ERBB4: variants seen among roughly 807,000 people sequenced by gnomAD.
The protein encoded by ERBB4 is receptor tyrosine-protein kinase erbB-4.
ERBB4 carries 42 observed loss-of-function variants against 158.0 expected under a neutral mutation model. The ratio of observed to expected loss-of-function variants is 0.27; its 90% CI spans 0.21 to 0.34. ERBB4 has a LOEUF of 0.34. Ranked by LOEUF, ERBB4 falls within the 10% of genes least tolerant of loss-of-function variation. The pLI, the probability that ERBB4 is intolerant of heterozygous loss-of-function variation, is 1.00. For synonymous variants in ERBB4, 583 were observed against 558.7 expected (o/e 1.04, Z -0.61); for missense variants, 1,333 against 1,624.1 (o/e 0.82, Z 3.08).
Position 212,191,611 on chromosome 2 carries a change from TTATATATAACACATGTGTTATGCATGC to T in ERBB4, c.83-66735_83-66709del, listed in dbSNP as rs1559702013. On this transcript the variant is annotated intron_variant, in intron 1 of 27. Coordinates refer to ENST00000342788, the MANE Select transcript of ERBB4 (RefSeq NM_005235.3). ...ATATATAACACATGTGTTATGCCTG[TTATATATAACACATGTGTTATGCATGC>T]TATATATAACACATGCGTTATACAT... Among the ~76,000 whole-genome samples the T allele has an allele frequency of 8.2e-3, 129 of 15,774 alleles. 5 individuals are homozygous for T. The Admixed American group carries it at 0.096, about 12-fold the overall frequency. 10.3% of individuals were successfully genotyped at this position (15,774 alleles called of 152,430 possible).
At chr2:212,278,089 A>G (rs1247363938) in intron 1 of ERBB4, among the ~76,000 whole-genome samples, 2 of 151,760 alleles carry the variant, frequency 1.3e-5, no homozygotes, top group Non-Finnish European at 2.9e-5. Flanking sequence ...GTTAAATAGA[A>G]CTAGGCTTTT....
Position 211,658,983 on chromosome 2 carries a change from C to T in ERBB4, c.1872-1155G>A, listed in dbSNP as rs186081208. On this transcript the variant is annotated intron_variant, in intron 15 of 27. Transcript: ENST00000342788. Reference sequence around the variant, plus strand: ...TTATAGTTAGGATTTATAGAAGTGCCTTATTTCGCTGGTAATAAAGATTAC... The same window carrying T: ...TTATAGTTAGGATTTATAGAAGTGCTTTATTTCGCTGGTAATAAAGATTAC... Among the ~76,000 whole-genome samples the T allele has an allele frequency of 4.1e-3, 629 of 152,122 alleles. 4 individuals are homozygous for T. The highest frequency in any genetic ancestry group is 0.014 in the African/African-American group (588 of 41,524).
chr2:212,506,658 C>G (rs991204642), intron 1 of ERBB4, among the ~76,000 whole-genome samples: 12 of 152,124 alleles, frequency 7.9e-5, no homozygotes, highest in African/African-American at 2.7e-4. Context: ...AGGCCCCAAG[C>G]CTCCTCAATT....
intron 1 of ERBB4, among the ~76,000 whole-genome samples, chr2:212,455,898 A>T (rs1255381806): frequency 6.6e-6 from 1 of 152,144 alleles, no homozygotes; most frequent in Non-Finnish European, 1.5e-5. Context: ...TCAAGGGACC[A>T]TGCTAGGTGC....
chr2:212,165,256 T>A (rs2081313660), intron 1 of ERBB4, among the ~76,000 whole-genome samples: 1 of 151,948 alleles, frequency 6.6e-6, no homozygotes, highest in Non-Finnish European at 1.5e-5. Context: ...GTTTTTGGTA[T>A]CTTATTCATC....
At chr2:211,959,842 G>A (rs929307371) in intron 2 of ERBB4, among the ~76,000 whole-genome samples, 1 of 152,018 alleles carries the variant, frequency 6.6e-6, no homozygotes, top group Non-Finnish European at 1.5e-5. Context: ...TGGCCCCTTA[G>A]TAGTTTACAA....
rs1402469387 is a variant in ERBB4, at chr2:211,912,976, T to C, written c.421+34454A>G. 2.6e-5 allele frequency among the ~76,000 whole-genome samples: 4 copies of C among 152,174 alleles called. No individual in the cohort carries two copies. The East Asian group carries it at 7.7e-4, about 29-fold the overall frequency. On this transcript the variant is annotated intron_variant, in intron 3 of 27. Coordinates refer to ENST00000342788, the MANE Select transcript of ERBB4 (RefSeq NM_005235.3). ...ACCTGTCTTGCCACTAAAATCTGAT[T>C]TACCAGCATAAATCATTTGGCCGTG... is the stretch of plus-strand genomic sequence containing the variant.
chr2:211,951,074 T>C (rs1002565996), intron 2 of ERBB4, among the ~76,000 whole-genome samples: 2 of 152,144 alleles, frequency 1.3e-5, no homozygotes, highest in Non-Finnish European at 2.9e-5. Flanking sequence ...ATGATAAATG[T>C]GTTGATGGAG....
intron 4 of ERBB4, among the ~76,000 whole-genome samples, chr2:211,771,826 G>GA (rs1244324981): frequency 1.3e-5 from 2 of 152,084 alleles, no homozygotes; most frequent in African/African-American, 4.8e-5. Flanking sequence ...CTCTTATAGA[G>GA]AAAAATGATA....
intron 2 of ERBB4, among the ~76,000 whole-genome samples, chr2:212,057,474 T>C (rs1426655629): frequency 6.6e-6 from 1 of 152,124 alleles, no homozygotes; most frequent in Admixed American, 6.5e-5. Context: ...CAACAGAATA[T>C]ACATACTTCT....
At chr2:211,508,313 G>A (rs149435355) in intron 20 of ERBB4, among the ~76,000 whole-genome samples, 10,336 of 151,998 alleles carry the variant, frequency 0.068, 499 homozygotes, top group Middle Eastern at 0.13. Context: ...AAAAGTGGGC[G>A]AAGGATATGA....
intron 19 of ERBB4, among the ~76,000 whole-genome samples, chr2:211,580,770 G>A (rs114164145): frequency 0.01 from 1,224 of 121,078 alleles, 30 homozygotes; most frequent in African/African-American, 0.039. Flanking sequence ...CAATCAACGG[G>A]TAGATAAAGA....
At chr2:211,644,413 A>C (rs2070710991) in intron 16 of ERBB4, among the ~76,000 whole-genome samples, 1 of 151,756 alleles carries the variant, frequency 6.6e-6, no homozygotes, top group Non-Finnish European at 1.5e-5. Context: ...GATTCGGCAG[A>C]TGCTCTGAAT....
At chr2:212,331,217 C>G (rs1237378281) in intron 1 of ERBB4, among the ~76,000 whole-genome samples, 1 of 150,438 alleles carries the variant, frequency 6.6e-6, no homozygotes, top group Non-Finnish European at 1.5e-5. Context: ...CCAAACAGAA[C>G]AGTTAAATCT....
chr2:211,677,586 A>T (rs2072130322), intron 13 of ERBB4, among the ~76,000 whole-genome samples: 1 of 151,466 alleles, frequency 6.6e-6, no homozygotes, highest in South Asian at 2.1e-4. Context: ...TTAAAAAAAA[A>T]AAAAGAGGCC....
At chr2:212,248,007 T>C (rs2084376384) in intron 1 of ERBB4, among the ~76,000 whole-genome samples, 2 of 152,120 alleles carry the variant, frequency 1.3e-5, no homozygotes, top group Admixed American at 1.3e-4. Context: ...TTAAAGCAAA[T>C]TATCTACAGT....
rs776125311 is a variant in ERBB4, at chr2:211,619,250, GT to G, written c.2227del (p.Thr743LeufsTer2). 6.2e-7 allele frequency: 1 copy of G among 1,611,592 alleles called. No individual in the cohort carries two copies. The highest frequency in any genetic ancestry group is 1.1e-5 in the South Asian group (1 of 91,042). On this transcript the variant is annotated frameshift_variant, in exon 19 of 28. Coordinates refer to ENST00000342788, the MANE Select transcript of ERBB4 (RefSeq NM_005235.3). LOFTEE classifies it high-confidence loss of function. Reference sequence around the variant, plus strand: ...CTTAATAGCCACAGGAATCTTCACAGTTTCTCCTTCAGGTACCCAAATACCC... The same window carrying G: ...CTTAATAGCCACAGGAATCTTCACAGTTCTCCTTCAGGTACCCAAATACCC... ...YKGIWVPEGE[T>X]VKIPVAIKIL...
intron 20 of ERBB4, among the ~76,000 whole-genome samples, chr2:211,515,319 C>A (rs1054220454): frequency 6.6e-6 from 1 of 151,858 alleles, no homozygotes; most frequent in Non-Finnish European, 1.5e-5. Context: ...AATAGAAAAC[C>A]CATTAGAACA....
At chr2:211,403,028 T>C (rs1013200818) in intron 25 of ERBB4, among the ~76,000 whole-genome samples, 2 of 152,016 alleles carry the variant, frequency 1.3e-5, no homozygotes, top group Non-Finnish European at 2.9e-5. Flanking sequence ...TTCACATGAT[T>C]TGGGGGTTTT....
Sources: allele counts gnomAD v4.1 joint callset (sites outside exome capture counted in the v4.1 genomes callset), GRCh38; gene constraint gnomAD v4.1.1; transcripts MANE v1.5; gene names NCBI Gene and HGNC (gene_info 2026-07-23, HGNC 2026-07-21).